The following PNKD variants were observed in gnomAD, a reference collection of about 807,000 sequenced individuals.
The protein encoded by PNKD is PNKD metallo-beta-lactamase domain containing.
PNKD carries 36 observed loss-of-function variants against 45.3 expected under a neutral mutation model. The ratio of observed to expected loss-of-function variants is 0.80; its 90% CI spans 0.61 to 1.05. The LOEUF (loss-of-function observed/expected upper bound fraction) is 1.05, where lower values mean the gene tolerates loss of function less well. PNKD is among the 50% of genes least tolerant of loss of function. PNKD has a pLI of 0.00. For missense variants in PNKD, 511 were observed against 506.6 expected (o/e 1.01, Z -0.08); for synonymous variants, 197 against 210.1 (o/e 0.94, Z 0.54).
At chr2:218,276,426 G>A (rs1691218779) in intron 2 of PNKD, among the ~76,000 whole-genome samples, 1 of 152,154 alleles carries the variant, frequency 6.6e-6, no homozygotes, top group South Asian at 2.1e-4. Flanking sequence ...GCCTGGGAGG[G>A]GTAGACTAAG....
At chr2:218,290,940 T>C (rs1031723512) in intron 2 of PNKD, among the ~76,000 whole-genome samples, 1 of 152,182 alleles carries the variant, frequency 6.6e-6, no homozygotes, top group Non-Finnish European at 1.5e-5. Context: ...GAGCTTCCAC[T>C]CTCTGGTCGT....
intron 2 of PNKD, among the ~76,000 whole-genome samples, chr2:218,325,257 T>C (rs1694118959): frequency 7.9e-6 from 1 of 125,996 alleles, no homozygotes; most frequent in Admixed American, 1.0e-4. Flanking sequence ...TAGGCTGGAG[T>C]GGTGCAGTGG....
chr2:218,304,215 G>A lies in PNKD; in HGVS notation c.236+32666G>A, dbSNP rs1047272056. The stretch of plus-strand genomic sequence containing the variant: ...GTTGCCCAGGCTGGAGTGCAGTGGC[G>A]TGGTCTCAGCTCACTGCAACCTCCC... On this transcript the variant is annotated intron_variant, in intron 2 of 9. Transcript: ENST00000273077. Among the ~76,000 whole-genome samples the A allele has an allele frequency of 6.6e-5, 10 of 151,748 alleles. No homozygotes were observed. In the East Asian group the frequency reaches 7.9e-4, roughly 12 times the overall value.
At chr2:218,285,323 C>A (rs538375028) in intron 2 of PNKD, among the ~76,000 whole-genome samples, 6 of 152,318 alleles carry the variant, frequency 3.9e-5, no homozygotes, top group African/African-American at 1.4e-4. Flanking sequence ...CCAAGACTGA[C>A]TCCCAAGCCC....
rs200853094 is a variant in PNKD at position 218,340,816 on chromosome 2, C to A, written c.524+30C>A. 5.7e-5 allele frequency: 91 copies of A among 1,597,746 alleles called. No homozygotes were observed. Among genetic ancestry groups the A allele is most frequent in the Non-Finnish European group, 7.0e-5 (82 of 1,165,010 alleles). ...GGGGCTCCCGTCTTCCCTGGCCCAC[C>A]CTTGTCCCAGCTGGGCTTGCCAGGA... On this transcript the variant is annotated intron_variant, in intron 5 of 9. Coordinates refer to ENST00000273077, the MANE Select transcript of PNKD (RefSeq NM_015488.5). The surrounding 1 kb of genome is among the most constrained non-coding windows in gnomAD (Gnocchi z 4.2).
chr2:218,270,643 T>G, intron 1 of PNKD, 41 bp downstream of exon 1: 1 of 592,134 alleles, frequency 1.7e-6, no homozygotes. Flanking sequence ...CTGCAGAAGA[T>G]CCCTTTTCTT....
intron 2 of PNKD, among the ~76,000 whole-genome samples, chr2:218,334,443 G>A (rs1694429196): frequency 6.6e-6 from 1 of 152,036 alleles, no homozygotes. Context: ...GAAGAGTAGA[G>A]CCTGGGCAAC....
At chr2:218,318,115 G>C (rs1163245238) in intron 2 of PNKD, 1 of 152,272 alleles carries the variant, frequency 6.6e-6, no homozygotes, top group Non-Finnish European at 1.5e-5. Flanking sequence ...TCCATTCTAA[G>C]GGAACCTCTC....
At chr2:218,278,072 G>T in intron 2 of PNKD, 1 of 1,409,862 alleles carries the variant, frequency 7.1e-7, no homozygotes, top group Non-Finnish European at 9.8e-7. Context: ...GTGCCTGGAG[G>T]ATTAAGCCTT....
chr2:218,343,296 C>T (rs181283526), intron 7 of PNKD, among the ~76,000 whole-genome samples: 3 of 152,310 alleles, frequency 2.0e-5, no homozygotes, highest in African/African-American at 4.8e-5. Flanking sequence ...ACGGAGGCCT[C>T]GGATGGGCTT....
At chr2:218,335,066 G>A (rs897602476) in intron 2 of PNKD, among the ~76,000 whole-genome samples, 3 of 151,826 alleles carry the variant, frequency 2.0e-5, no homozygotes, top group Non-Finnish European at 2.9e-5. Flanking sequence ...GTGGAAAATC[G>A]CTTGAACCCC....
rs1694777476 is a variant in PNKD, at chr2:218,344,651, C to T, written c.984+81C>T. On this transcript the variant is annotated intron_variant, in intron 9 of 9. Transcript: ENST00000273077. ...GAACCCATCCATGCTGACCCCAGGC[C>T]TGCGAGCACCTCCCCAAAACTCTGA... 8 of 1,404,764 alleles carry T rather than the reference C, an allele frequency of 5.7e-6. No homozygotes were observed. The Middle Eastern group carries it at 5.3e-4, about 94-fold the overall frequency. The allele number at this position is 1,404,764 out of a possible 1,614,324, so 87.0% of individuals were successfully genotyped here.
chr2:218,346,321 G>A lies in PNKD; in HGVS notation c.*1340G>A, dbSNP rs1694826422. 6.5e-6 allele frequency: 1 copy of A among 152,828 alleles called. No individual in the cohort carries two copies. Among genetic ancestry groups the A allele is most frequent in the Non-Finnish European group, 1.5e-5 (1 of 68,220 alleles). The allele number at this position is 152,828 out of a possible 1,614,324, so 9.5% of individuals were successfully genotyped here. A position where few individuals can be genotyped will look rare whatever the true frequency, so the allele number is the denominator to read the frequency against. On this transcript the variant is annotated 3_prime_UTR_variant, in exon 10 of 10. Coordinates refer to ENST00000273077, the MANE Select transcript of PNKD (RefSeq NM_015488.5). ...ACCCTCCAAGATGCCCCTGCCCTCA[G>A]TTTCCCCTCATGATCTGGCCTCTGC...
At chr2:218,337,477 C>T (rs1694532050) in intron 2 of PNKD, among the ~76,000 whole-genome samples, 1 of 152,188 alleles carries the variant, frequency 6.6e-6, no homozygotes, top group Admixed American at 6.5e-5. Flanking sequence ...CTTCCCTTTC[C>T]TTTCTATATC....
Position 218,345,220 on chromosome 2 carries a change from G to A in PNKD, c.*239G>A, listed in dbSNP as rs568631025. ...GAGGCTGCCTCATCAACGGCAAGAG[G>A]AAAGGAGGGGTCTCGGGACATCTCC... On this transcript the variant is annotated 3_prime_UTR_variant, in exon 10 of 10. Coordinates refer to ENST00000273077, the MANE Select transcript of PNKD (RefSeq NM_015488.5). 3.9e-5 allele frequency: 22 copies of A among 558,254 alleles called. No individual in the cohort carries two copies. The highest frequency in any genetic ancestry group is 6.7e-5 in the Non-Finnish European group (21 of 313,234). The allele number at this position is 558,254 out of a possible 1,614,324, so 34.6% of individuals were successfully genotyped here.
chr2:218,344,995 C>G lies in PNKD; in HGVS notation c.*14C>G. ...AAGAGCAAGTGATGCCCCCAGCGCC[C>G]CCAGCCCAGCCCACTCCCCGCATGG... On this transcript the variant is annotated 3_prime_UTR_variant, in exon 10 of 10. Coordinates refer to ENST00000273077, the MANE Select transcript of PNKD (RefSeq NM_015488.5). 1 of 1,598,548 alleles carries G rather than the reference C, an allele frequency of 6.3e-7. No individual in the cohort carries two copies. The highest frequency in any genetic ancestry group is 8.5e-7 in the Non-Finnish European group (1 of 1,171,064).
At chr2:218,277,300 G>A (rs2168703) in intron 2 of PNKD, 1,424,191 of 1,437,308 alleles carry the variant, frequency 0.99, 706,035 homozygotes, top group Non-Finnish European at 1. Flanking sequence ...TCCCTAGTGT[G>A]CCGGGGTCCG....
chr2:218,282,131 G>A, intron 2 of PNKD: 1 of 1,511,938 alleles, frequency 6.6e-7, no homozygotes, highest in African/African-American at 1.4e-5. Context: ...TGGGGCGCTG[G>A]GGTTGGACAT....
In PNKD at chr2:218,343,666, C is replaced by T. The variant is rs143957978; in HGVS notation, c.868+80C>T. The T allele has an allele frequency of 2.4e-3, 2,537 of 1,079,426 alleles. 51 individuals carry two copies. The African/African-American group carries it at 0.034, about 15-fold the overall frequency. The allele number at this position is 1,079,426 out of a possible 1,614,324, so 66.9% of individuals were successfully genotyped here. ...AAGGGCCTTCCCACCCCCTCACTCCCCTAGAAAGCAGGCCAGCCCAGTTCC... is the reference window on the plus strand; with the variant it reads ...AAGGGCCTTCCCACCCCCTCACTCCTCTAGAAAGCAGGCCAGCCCAGTTCC... On this transcript the variant is annotated intron_variant, in intron 8 of 9. Transcript: ENST00000273077.
Sources: gnomAD v4.1 joint callset for allele counts (sites outside exome capture counted in the v4.1 genomes callset) on GRCh38, gnomAD v4.1.1 for gene constraint, Gnocchi (gnomAD v3.1) non-coding constraint, MANE v1.5 for transcripts, NCBI Gene and HGNC (gene_info 2026-07-23, HGNC 2026-07-21) for gene names.